The following P3H2 variants were observed in gnomAD, a reference collection of about 807,000 sequenced individuals.
P3H2 encodes leprecan-like 1.
P3H2 carries 80 observed loss-of-function variants against 87.0 expected under a neutral mutation model. The observed-to-expected ratio is 0.92, with a 90% CI of 0.77 to 1.11. The LOEUF (loss-of-function observed/expected upper bound fraction) is 1.11. Among genes scored for constraint, P3H2 ranks in the 50% least tolerant of loss-of-function variants. The pLI, the probability that P3H2 is intolerant of heterozygous loss-of-function variation, is 0.00. For missense variants in P3H2, 1,001 were observed against 923.9 expected, an observed-to-expected ratio of 1.08 and a Z score of -1.08; for synonymous variants, 367 against 359.3, an observed-to-expected ratio of 1.02 and a Z score of -0.24.
intron 1 of P3H2, among the ~76,000 whole-genome samples, chr3:190,084,185 T>C (rs570402649): frequency 6.6e-6 from 1 of 152,304 alleles, no homozygotes; most frequent in African/African-American, 2.4e-5. Context: ...ATATTGCATA[T>C]AGAGCAAGAA....
At chr3:190,115,686 C>T (rs540499067) in intron 1 of P3H2, among the ~76,000 whole-genome samples, 1 of 152,286 alleles carries the variant, frequency 6.6e-6, no homozygotes, top group Admixed American at 6.5e-5. Flanking sequence ...AGTCAACAGT[C>T]CTGAAACGTT....
chr3:190,000,815 CA>C (rs1196022450), intron 1 of P3H2, among the ~76,000 whole-genome samples: 2 of 152,086 alleles, frequency 1.3e-5, no homozygotes, highest in African/African-American at 2.4e-5. Flanking sequence ...GTTTAAATGT[CA>C]TTCTAAGTGC....
At chr3:189,986,652 C>T (rs916141350) in intron 6 of P3H2, 136 bp downstream of exon 6, 15 of 697,938 alleles carry the variant, frequency 2.1e-5, no homozygotes, top group Middle Eastern at 2.6e-4. Flanking sequence ...ATCTCCCACC[C>T]CCAATTTTTA....
intron 1 of P3H2, among the ~76,000 whole-genome samples, chr3:190,110,591 C>G (rs1212635276): frequency 6.6e-6 from 1 of 152,194 alleles, no homozygotes; most frequent in Non-Finnish European, 1.5e-5. Flanking sequence ...TTTAAAATAG[C>G]ACATGCTTCA....
At chr3:190,108,948 A>AAAG (rs1711961024) in intron 1 of P3H2, among the ~76,000 whole-genome samples, 1 of 152,204 alleles carries the variant, frequency 6.6e-6, no homozygotes, top group African/African-American at 2.4e-5. Flanking sequence ...TTTCCTGAAG[A>AAAG]AGCTGATTAA....
Position 190,114,411 on chromosome 3 carries a change from C to T in P3H2, c.480+5841G>A, listed in dbSNP as rs13320576. Among the ~76,000 whole-genome samples, 1,170 of 151,998 alleles carry T rather than the reference C, an allele frequency of 7.7e-3. 12 individuals are homozygous for T. The highest frequency in any genetic ancestry group is 0.027 in the African/African-American group (1,109 of 41,432). ...CCGTGTTAGCCAGGATGGTCTCGAT[C>T]TCCTGACCTCGTGATACGCCCACCT... On this transcript the variant is annotated intron_variant, in intron 1 of 14. Transcript: ENST00000319332.
Position 190,002,917 on chromosome 3 carries a change from T to C in P3H2, c.481-7475A>G, listed in dbSNP as rs138896308. On this transcript the variant is annotated intron_variant, in intron 1 of 14. Transcript: ENST00000319332. ...CTTTTCTACATCTCAAGGCAGAACA[T>C]TTTAAAATTTCTAGCTTTGAAGAAC... Among the ~76,000 whole-genome samples, 7 of 152,312 alleles carry C rather than the reference T, an allele frequency of 4.6e-5. No homozygotes were observed. In the East Asian group the frequency reaches 1.3e-3, roughly 29 times the overall value.
At chr3:190,055,580 T>C (rs1726128624) in intron 1 of P3H2, among the ~76,000 whole-genome samples, 1 of 151,704 alleles carries the variant, frequency 6.6e-6, no homozygotes, top group South Asian at 2.1e-4. Flanking sequence ...GTGAAGTACT[T>C]AGAAATGTAA....
chr3:190,035,645 T>C (rs1365076700), intron 1 of P3H2, among the ~76,000 whole-genome samples: 1 of 152,202 alleles, frequency 6.6e-6, no homozygotes, highest in Non-Finnish European at 1.5e-5. Context: ...TGCTCTTTTA[T>C]TGATACTGTT....
intron 1 of P3H2, among the ~76,000 whole-genome samples, chr3:190,045,329 C>T (rs1725766547): frequency 6.6e-6 from 1 of 152,142 alleles, no homozygotes; most frequent in South Asian, 2.1e-4. Flanking sequence ...TTCGTGGCAG[C>T]TAAGATCTCT....
chr3:190,019,831 A>G (rs910495569), intron 1 of P3H2, among the ~76,000 whole-genome samples: 16 of 124,142 alleles, frequency 1.3e-4, no homozygotes, highest in African/African-American at 3.9e-4. Context: ...CAAACCCACA[A>G]TTGATGCTTC....
intron 1 of P3H2, among the ~76,000 whole-genome samples, chr3:190,017,754 C>T (rs1724813679): frequency 6.6e-6 from 1 of 152,148 alleles, no homozygotes; most frequent in Admixed American, 6.5e-5. Flanking sequence ...AAGAAAACCT[C>T]TACAATCTAT....
chr3:190,056,656 C>A (rs10937419), intron 1 of P3H2, among the ~76,000 whole-genome samples: 75,176 of 151,652 alleles, frequency 0.5, 21,019 homozygotes, highest in South Asian at 0.65. Flanking sequence ...TCTGGGGGTC[C>A]ATAGAAATGA....
chr3:189,992,075 G>A (rs1448413684), intron 3 of P3H2, among the ~76,000 whole-genome samples: 2 of 152,074 alleles, frequency 1.3e-5, no homozygotes, highest in African/African-American at 4.8e-5. Context: ...GTTATTAGGT[G>A]AGTAGTGCTT....
intron 1 of P3H2, among the ~76,000 whole-genome samples, chr3:190,093,683 A>T (rs555583387): frequency 2.0e-5 from 3 of 152,164 alleles, no homozygotes; most frequent in Non-Finnish European, 4.4e-5. Context: ...GACTGAGTGG[A>T]AGAAAAAAAG....
chr3:189,996,676 AATC>A (rs1724061033), intron 1 of P3H2, among the ~76,000 whole-genome samples: 1 of 152,218 alleles, frequency 6.6e-6, no homozygotes, highest in South Asian at 2.1e-4. Flanking sequence ...ACCCTGATTT[AATC>A]ATCATACAAT....
chr3:190,001,729 C>A (rs1047371164), intron 1 of P3H2, among the ~76,000 whole-genome samples: 1 of 152,010 alleles, frequency 6.6e-6, no homozygotes, highest in Non-Finnish European at 1.5e-5. Context: ...CTTTGATGAA[C>A]CTGTAAGATG....
In P3H2 at chr3:189,968,197, G is replaced by C. The variant is rs147744640; in HGVS notation, c.1893+2619C>G. 2.2e-3 allele frequency among the ~76,000 whole-genome samples: 340 copies of C among 152,204 alleles called. 4 individuals are homozygous for C. Among genetic ancestry groups the C allele is most frequent in the African/African-American group, 7.8e-3 (324 of 41,514 alleles). On this transcript the variant is annotated intron_variant, in intron 13 of 14. Transcript: ENST00000319332. Reference sequence around the variant, plus strand: ...GTTACATAGGTGTACATGTGCCATGGTGGTTTGCTGCACCCCATCAAACCA... The same window carrying C: ...GTTACATAGGTGTACATGTGCCATGCTGGTTTGCTGCACCCCATCAAACCA...
intron 1 of P3H2, among the ~76,000 whole-genome samples, chr3:190,063,397 G>A (rs867620446): frequency 1.7e-4 from 26 of 152,116 alleles, no homozygotes; most frequent in African/African-American, 4.6e-4. Context: ...CTTTTGCTCT[G>A]GTCAATACGT....
Sources: allele counts gnomAD v4.1 joint callset (sites outside exome capture counted in the v4.1 genomes callset), GRCh38; gene constraint gnomAD v4.1.1; transcripts MANE v1.5; gene names NCBI Gene and HGNC (gene_info 2026-07-23, HGNC 2026-07-21).